The following SORBS3 variants were observed in gnomAD, a reference collection of about 807,000 sequenced individuals.
The protein encoded by SORBS3 is vinexin.
Under a neutral mutation model 98.0 loss-of-function variants are expected in SORBS3, and 69 were observed. The observed-to-expected ratio is 0.70, with a 90% CI of 0.58 to 0.86. The LOEUF (loss-of-function observed/expected upper bound fraction) is 0.86. Among genes scored for constraint, SORBS3 ranks in the 40% least tolerant of loss-of-function variants. The pLI is 0.00. For synonymous variants in SORBS3, 394 were observed against 355.4 expected (o/e 1.11, Z -1.22); for missense variants, 954 against 908.5 (o/e 1.05, Z -0.64).
At chr8:22,572,580 G>T in intron 20 of SORBS3, 134 bp downstream of exon 20, 1 of 716,154 alleles carries the variant, frequency 1.4e-6, no homozygotes, top group East Asian at 2.7e-5. Context: ...CGGGCTACTG[G>T]GGGGGCCTGG....
At chr8:22,561,468 C>A in intron 6 of SORBS3, 95 bp downstream of exon 6, 1 of 1,408,772 alleles carries the variant, frequency 7.1e-7, no homozygotes, top group Non-Finnish European at 1.0e-6. Context: ...GGCTTTGGGG[C>A]TCTCCAGTTG....
chr8:22,561,600 G>T lies in SORBS3; in HGVS notation c.517+227G>T, dbSNP rs897498926. ...GCGCGCTCTGCCACTCCCTGGCCGG[G>T]ATTTCTCTGGGCCTCCCTTTCCTCA... On this transcript the variant is annotated intron_variant, in intron 6 of 20. Coordinates refer to ENST00000240123, the MANE Select transcript of SORBS3 (RefSeq NM_005775.5). The T allele has an allele frequency of 6.5e-6, 4 of 614,384 alleles. No individual in the cohort carries two copies. In the African/African-American group the frequency reaches 7.4e-5, roughly 11 times the overall value. 38.1% of individuals were successfully genotyped at this position (614,384 alleles called of 1,614,324 possible). A position where few individuals can be genotyped will look rare whatever the true frequency, so the allele number is the denominator to read the frequency against.
rs370212354 is a variant in SORBS3 at position 22,570,862 on chromosome 8, T to C, written c.1432-48T>C. The C allele has an allele frequency of 9.1e-6, 14 of 1,532,386 alleles. No homozygotes were observed. The South Asian group carries it at 1.2e-4, about 14-fold the overall frequency. 94.9% of individuals were successfully genotyped at this position (1,532,386 alleles called of 1,614,324 possible). A position where few individuals can be genotyped will look rare whatever the true frequency, so the allele number is the denominator to read the frequency against. On this transcript the variant is annotated intron_variant, in intron 17 of 20. Transcript: ENST00000240123. ...ACAGCCCAGATAAGGCACCCGTGGG[T>C]CCATGGCACCAGGAAGGCCCCACAG...
At position 22,564,311 on chromosome 8, in the gene SORBS3, A is replaced by C; in HGVS notation, c.704A>C (p.Asn235Thr). 6.2e-7 allele frequency: 1 copy of C among 1,612,036 alleles called. No homozygotes were observed. Residue 235 changes from asparagine (N) to threonine (T), a missense_variant, in exon 9 of 21, where the codon AAT (asparagine) becomes ACT (threonine). Coordinates refer to ENST00000240123, the MANE Select transcript of SORBS3 (RefSeq NM_005775.5). ...QVLRRREKVD[N>T]VWTEESWNQF... is the part of the protein sequence containing the mutation. Reference sequence around the variant, plus strand: ...CTCAGACGCCGGGAAAAAGTAGACAATGTCTGGACGGAAGAGTCCTGGAAC... The same window carrying C: ...CTCAGACGCCGGGAAAAAGTAGACACTGTCTGGACGGAAGAGTCCTGGAAC...
rs1191103893 is a variant in SORBS3, at chr8:22,558,177, C to G, written c.463C>G (p.His155Asp). 1 of 1,614,166 alleles carries G rather than the reference C, an allele frequency of 6.2e-7. No homozygotes were observed. Among genetic ancestry groups the G allele is most frequent in the Admixed American group, 1.7e-5 (1 of 60,030 alleles). The change falls in exon 5 of 21, where the codon CAC becomes GAC. Residue 155 changes from histidine to aspartate, a missense_variant. Coordinates refer to ENST00000240123, the MANE Select transcript of SORBS3 (RefSeq NM_005775.5). The stretch of plus-strand genomic sequence containing the variant: ...GTACCGGAGAATGTTCCAGCAGATT[C>G]ACCGGAAAATGCCAGGTAAGATACC... Reference protein sequence around the residue: ...DWYRRMFQQIHRKMPDLQLDW... With the variant: ...DWYRRMFQQIDRKMPDLQLDW...
At position 22,563,984 on chromosome 8, in the gene SORBS3, TAGA is replaced by T. The variant is rs757421484; in HGVS notation, c.588_590del (p.Arg196del). 5.6e-6 allele frequency: 9 copies of T among 1,611,972 alleles called. No individual in the cohort carries two copies. Among genetic ancestry groups the T allele is most frequent in the Non-Finnish European group, 7.6e-6 (9 of 1,178,290 alleles). On this transcript the variant is annotated splice_acceptor_variant and coding_sequence_variant, in exon 8 of 21. Transcript: ENST00000240123. LOFTEE classifies it high-confidence loss of function. ...CTGAAGAGATGTCCTTCCCTTTCTT[TAGA>T]AGAAGCTGGGACCACTCTGAAGAGT...
In SORBS3 at chr8:22,554,617, G is replaced by A. The variant is rs1175949473; in HGVS notation, c.102+9G>A. 6.2e-7 allele frequency: 1 copy of A among 1,609,890 alleles called. No homozygotes were observed. Among genetic ancestry groups the A allele is most frequent in the East Asian group, 2.2e-5 (1 of 44,806 alleles). On this transcript the variant is annotated intron_variant, in intron 2 of 20. Transcript: ENST00000240123. This position sits in a 1 kb window ranked among gnomAD's most constrained non-coding sequence, Gnocchi z 6.5. The stretch of plus-strand genomic sequence containing the variant: ...CCTCCCGGGGGACACGGGTGAGTGA[G>A]TCAGTAGGGAGGAGGGTGTCCTGCG...
At chr8:22,570,799 C>T (rs1408474020) in intron 17 of SORBS3, 111 bp from the exon 18 acceptor site, 37 of 959,564 alleles carry the variant, frequency 3.9e-5, no homozygotes, top group Admixed American at 5.6e-5. Context: ...CCTGCGATTC[C>T]GACCCCTCGT....
At chr8:22,551,336 G>C (rs1001734973), upstream of SORBS3, among the ~76,000 whole-genome samples, 5 of 151,844 alleles carry the variant, frequency 3.3e-5, no homozygotes, top group Non-Finnish European at 5.9e-5. The surrounding 1 kb of genome is among the most constrained non-coding windows in gnomAD (Gnocchi z 5.8). Context: ...GCCTTCCCCT[G>C]GTCCGCTCCG....
intron 7 of SORBS3, among the ~76,000 whole-genome samples, chr8:22,563,406 A>G (rs1840336467): frequency 6.6e-6 from 1 of 151,666 alleles, no homozygotes; most frequent in Admixed American, 6.6e-5. Flanking sequence ...GGTCTCACAG[A>G]CAGAGTCACT....
At chr8:22,555,129 G>C (rs1478881847) in intron 3 of SORBS3, 149 bp downstream of exon 3, 3 of 689,054 alleles carry the variant, frequency 4.4e-6, no homozygotes, top group African/African-American at 1.8e-5. Context: ...GGCTCACTAT[G>C]AGCCCCTCCC....
At chr8:22,548,911 ACCGCCTTCTCCC>A (rs1351673548), upstream of SORBS3, among the ~76,000 whole-genome samples, 1 of 151,998 alleles carries the variant, frequency 6.6e-6, no homozygotes, top group African/African-American at 2.4e-5. Flanking sequence ...CCCGCATTCC[ACCGCCTTCTCCC>A]CCTCCCTGTG....
At chr8:22,566,066 A>G in intron 12 of SORBS3, 194 bp downstream of exon 12, 2 of 544,302 alleles carry the variant, frequency 3.7e-6, no homozygotes, top group Non-Finnish European at 5.6e-6. Flanking sequence ...GAGGGCAGCT[A>G]ACTCCTAGCA....
At position 22,565,290 on chromosome 8, in the gene SORBS3, C is replaced by T. The variant is rs773921381; in HGVS notation, c.839C>T (p.Ala280Val). Residue 280 changes from alanine to valine, a missense_variant, in exon 11 of 21, where the codon GCC becomes GTC. Ala to Val is a moderately conservative substitution (Grantham distance 64). Coordinates refer to ENST00000240123, the MANE Select transcript of SORBS3 (RefSeq NM_005775.5). ...CAGGTGCTGCTGGAGAGAGAGCTGGCCGAGCTGAGCGCCGAGCTGGACAAG... is the reference window on the plus strand; with the variant it reads ...CAGGTGCTGCTGGAGAGAGAGCTGGTCGAGCTGAGCGCCGAGCTGGACAAG... Reference protein sequence around the residue: ...PIEVLLERELAELSAELDKDL... With the variant: ...PIEVLLERELVELSAELDKDL... The T allele has an allele frequency of 2.6e-6, 4 of 1,555,902 alleles. No individual in the cohort carries two copies. In the South Asian group the frequency reaches 4.7e-5, roughly 18 times the overall value.
chr8:22,561,836 A>C (rs1490169949), intron 6 of SORBS3, 29 bp from the exon 7 acceptor site: 1 of 1,606,256 alleles, frequency 6.2e-7, no homozygotes, highest in Non-Finnish European at 8.5e-7. Context: ...TCCCACCTTC[A>C]ATGCTTTCCT....
intron 13 of SORBS3, 24 bp from the exon 14 acceptor site, chr8:22,566,637 A>G (rs1247540945): frequency 6.3e-7 from 1 of 1,593,392 alleles, no homozygotes. Context: ...GGCCTCCCCA[A>G]GCTGAGGTTG....
At chr8:22,559,498 C>G (rs548467503) in intron 5 of SORBS3, among the ~76,000 whole-genome samples, 2 of 152,056 alleles carry the variant, frequency 1.3e-5, no homozygotes, top group Non-Finnish European at 1.5e-5. Context: ...CTTAGGAGTT[C>G]GAGACCAGCC....
At chr8:22,569,322 A>G (rs1196255099) in intron 17 of SORBS3, 49 bp downstream of exon 17, 7 of 1,474,680 alleles carry the variant, frequency 4.7e-6, no homozygotes, top group Middle Eastern at 2.1e-4. Context: ...GTGAAGATGT[A>G]GGTAAATATG....
chr8:22,572,310 TCTCTGG>T, intron 19 of SORBS3, 24 bp from the exon 20 acceptor site: 1 of 1,590,586 alleles, frequency 6.3e-7, no homozygotes, highest in Non-Finnish European at 8.6e-7. Flanking sequence ...CTGGGCCCAT[TCTCTGG>T]TTGCCATGAT....
Sources: gnomAD v4.1 joint callset for allele counts (sites outside exome capture counted in the v4.1 genomes callset) on GRCh38, gnomAD v4.1.1 for gene constraint, Gnocchi (gnomAD v3.1) non-coding constraint, MANE v1.5 for transcripts, NCBI Gene and HGNC (gene_info 2026-07-23, HGNC 2026-07-21) for gene names.